Variants in HK1 observed in about 807,000 individuals in gnomAD.
HK1 encodes hexokinase 1.
In HK1, 28 loss-of-function variants were observed where a neutral mutation model predicts 91.6. That is an observed-to-expected ratio of 0.31 (90% CI 0.23 to 0.42). The LOEUF (loss-of-function observed/expected upper bound fraction) is 0.42, where lower values mean the gene tolerates loss of function less well. HK1 is among the 10% of genes least tolerant of loss of function. The pLI is 1.00. For missense variants in HK1, 770 were observed against 1,219.8 expected, an observed-to-expected ratio of 0.63 and a Z score of 5.49; for synonymous variants, 430 against 468.1, an observed-to-expected ratio of 0.92 and a Z score of 1.05.
intron 1 of HK1, chr10:69,338,553 G>A (rs1368349178): frequency 2.3e-6 from 3 of 1,289,778 alleles, no homozygotes; most frequent in African/African-American, 1.5e-5. Context: ...GCTGTGCGGT[G>A]TCCTCCCCAA....
intron 3 of HK1, chr10:69,288,873 GC>G: frequency 1.0e-6 from 1 of 966,078 alleles, no homozygotes; most frequent in South Asian, 1.4e-5. Flanking sequence ...TATAACCTCT[GC>G]CTCCCGGGTT....
exon 1 of HK1, chr10:69,270,099 A>G (rs1042162188): frequency 6.6e-6 from 1 of 152,266 alleles, no homozygotes; most frequent in African/African-American, 2.4e-5. Flanking sequence ...ACCAGCAACC[A>G]TGCAACAAGG....
chr10:69,365,930 C>T (rs1266927246), intron 4 of HK1, among the ~76,000 whole-genome samples: 1 of 152,142 alleles, frequency 6.6e-6, no homozygotes, highest in Non-Finnish European at 1.5e-5. Context: ...CTCCCAGGTT[C>T]AAGCAATTCT....
intron 4 of HK1, among the ~76,000 whole-genome samples, chr10:69,299,443 T>C (rs1845739647): frequency 6.6e-6 from 1 of 150,600 alleles, no homozygotes; most frequent in Non-Finnish European, 1.5e-5. Flanking sequence ...TCTCGGCTCC[T>C]GCAACCTTCG....
chr10:69,332,718 C>T (rs1028989272), intron 1 of HK1, among the ~76,000 whole-genome samples: 2 of 152,014 alleles, frequency 1.3e-5, no homozygotes, highest in Non-Finnish European at 2.9e-5. Context: ...ATGATTCCTG[C>T]CTTGTTCTCT....
chr10:69,352,371 A>G (rs1848922289), intron 2 of HK1, among the ~76,000 whole-genome samples: 1 of 152,196 alleles, frequency 6.6e-6, no homozygotes, highest in Non-Finnish European at 1.5e-5. Flanking sequence ...AGAAAATTCT[A>G]TATTGATTTG....
chr10:69,352,914 A>C (rs1278147516), intron 2 of HK1, among the ~76,000 whole-genome samples: 1 of 152,192 alleles, frequency 6.6e-6, no homozygotes, highest in African/African-American at 2.4e-5. Flanking sequence ...TTAAAAAAAC[A>C]ACCAACCAAT....
At chr10:69,337,571 C>T (rs1473840739) in intron 1 of HK1, among the ~76,000 whole-genome samples, 1 of 152,182 alleles carries the variant, frequency 6.6e-6, no homozygotes, top group Non-Finnish European at 1.5e-5. Context: ...ACCCAGGACC[C>T]GTTCTCTCTG....
rs367932087 is a variant in HK1, at chr10:69,380,057, G to A, written c.1227G>A (p.Thr409=). The change falls in exon 9 of 18, where the codon ACG becomes ACA. Residue 409 remains threonine, a synonymous_variant. Transcript: ENST00000359426. This position sits in a 1 kb window ranked among gnomAD's most constrained non-coding sequence, Gnocchi z 4.0. ...DNKGTPRLRT[T]VGVDGSLYKT... ...AGGGCACACCCAGGCTGCGGACCAC[G>A]GTTGGTGTCGACGGATCTCTTTACA... The A allele has an allele frequency of 3.7e-5, 59 of 1,613,970 alleles. 1 individual carries two copies. In the Middle Eastern group the frequency reaches 8.2e-4, roughly 22 times the overall value.
chr10:69,369,097 G>A lies in HK1; in HGVS notation c.592-140G>A. The A allele has an allele frequency of 2.8e-6, 2 of 715,636 alleles. No homozygotes were observed. The highest frequency in any genetic ancestry group is 1.5e-5 in the South Asian group (1 of 67,048). 44.3% of individuals were successfully genotyped at this position (715,636 alleles called of 1,614,324 possible). A position where few individuals can be genotyped will look rare whatever the true frequency, so the allele number is the denominator to read the frequency against. ...CCATGCTCTGATCTAGTTAATTTGA[G>A]TACCAGCTGTAATGAAACCAGTACC... is the stretch of plus-strand genomic sequence containing the variant. On this transcript the variant is annotated intron_variant, in intron 5 of 17. Coordinates refer to ENST00000359426, the MANE Select transcript of HK1 (RefSeq NM_000188.3). This position sits in a 1 kb window ranked among gnomAD's most constrained non-coding sequence, Gnocchi z 4.4.
intron 2 of HK1, among the ~76,000 whole-genome samples, chr10:69,356,872 A>G (rs1175624617): frequency 7.1e-6 from 1 of 141,698 alleles, no homozygotes; most frequent in Non-Finnish European, 1.5e-5. Context: ...AACAGAGCGA[A>G]ACTCCATCTC....
Position 69,401,214 on chromosome 10 carries a change from C to T in HK1, c.*79C>T, listed in dbSNP as rs905066060. On this transcript the variant is annotated 3_prime_UTR_variant, in exon 18 of 18. Coordinates refer to ENST00000359426, the MANE Select transcript of HK1 (RefSeq NM_000188.3). ...GACCCCCTACCCTCCCAGCGAGTTG[C>T]GCTGGGAGACGCTGGCGCCAGGGCC... 3.0e-5 allele frequency: 45 copies of T among 1,508,980 alleles called. No homozygotes were observed. The highest frequency in any genetic ancestry group is 4.9e-5 in the East Asian group (2 of 41,214). The allele number at this position is 1,508,980 out of a possible 1,614,324, so 93.5% of individuals were successfully genotyped here. A position where few individuals can be genotyped will look rare whatever the true frequency, so the allele number is the denominator to read the frequency against.
At chr10:69,367,159 A>C (rs1312209884) in intron 4 of HK1, among the ~76,000 whole-genome samples, 1 of 152,122 alleles carries the variant, frequency 6.6e-6, no homozygotes, top group Non-Finnish European at 1.5e-5. Context: ...GGCATTGTGA[A>C]CAGAGAAGGA....
chr10:69,299,100 C>A (rs777367461), intron 4 of HK1, among the ~76,000 whole-genome samples: 1 of 151,418 alleles, frequency 6.6e-6, no homozygotes, highest in Non-Finnish European at 1.5e-5. Flanking sequence ...CCACCATGCC[C>A]GACCTATGTT....
chr10:69,389,189 T>C lies in HK1; in HGVS notation c.1936-8T>C, dbSNP rs776985935. 1 of 1,610,960 alleles carries C rather than the reference T, an allele frequency of 6.2e-7. No individual in the cohort carries two copies. The highest frequency in any genetic ancestry group is 8.5e-7 in the Non-Finnish European group (1 of 1,177,210). ...TATTCCTAAAGCTGTGTCCCTTTCTTTGCAAAGGAATTTGACCTGGACGTG... is the reference window on the plus strand; with the variant it reads ...TATTCCTAAAGCTGTGTCCCTTTCTCTGCAAAGGAATTTGACCTGGACGTG... On this transcript the variant is annotated splice_polypyrimidine_tract_variant and splice_region_variant and intron_variant, in intron 13 of 17. Transcript: ENST00000359426.
At chr10:69,316,630 C>A (rs1846659449), upstream of HK1, among the ~76,000 whole-genome samples, 1 of 152,256 alleles carries the variant, frequency 6.6e-6, no homozygotes, top group South Asian at 2.1e-4. Flanking sequence ...CAGGACATTT[C>A]AGGGTAACCT....
intron 3 of HK1, among the ~76,000 whole-genome samples, chr10:69,289,163 G>A (rs554537287): frequency 1.3e-3 from 191 of 152,266 alleles, no homozygotes; most frequent in African/African-American, 4.5e-3. Flanking sequence ...GTCCATCTTA[G>A]AGGAGGGAAA....
At chr10:69,315,649 A>G, upstream of HK1, 1 of 459,608 alleles carries the variant, frequency 2.2e-6, no homozygotes, top group South Asian at 2.1e-5. Flanking sequence ...CTGGAACAAC[A>G]GAGAGGGGAC....
chr10:69,342,899 T>C (rs1589513538), intron 1 of HK1, among the ~76,000 whole-genome samples: 1 of 152,144 alleles, frequency 6.6e-6, no homozygotes, highest in South Asian at 2.1e-4. Flanking sequence ...GAAGATGCCA[T>C]GAAGGACAAA....
Sources: allele counts gnomAD v4.1 joint callset (sites outside exome capture counted in the v4.1 genomes callset), GRCh38; gene constraint gnomAD v4.1.1; non-coding constraint Gnocchi (gnomAD v3.1); transcripts MANE v1.5; gene names NCBI Gene and HGNC (gene_info 2026-07-23, HGNC 2026-07-21).